The following TSNARE1 variants were observed in gnomAD, a reference collection of about 807,000 sequenced individuals.
TSNARE1 encodes t-SNARE domain-containing protein 1.
Under a neutral mutation model 62.0 loss-of-function variants are expected in TSNARE1, and 49 were observed. That is an observed-to-expected ratio of 0.79 (90% confidence interval 0.63 to 1.00). The LOEUF (loss-of-function observed/expected upper bound fraction) is 1.00, where lower values mean the gene tolerates loss of function less well. TSNARE1 is among the 50% of genes least tolerant of loss of function. The pLI is 0.00. For synonymous variants in TSNARE1, 328 were observed against 294.4 expected (o/e 1.11, Z -1.17); for missense variants, 755 against 700.1 (o/e 1.08, Z -0.88).
At position 142,284,452 on chromosome 8, in the gene TSNARE1, C is replaced by A. The variant is rs1822338516; in HGVS notation, c.1324G>T (p.Asp442Tyr). 6.2e-7 allele frequency: 1 copy of A among 1,613,794 alleles called. No homozygotes were observed. Among genetic ancestry groups the A allele is most frequent in the Non-Finnish European group, 8.5e-7 (1 of 1,179,980 alleles). ...NLLDVNQIIK[D>Y]LASMVSEQGE... ...TGCTCTGACACCATGGAGGCCAAGTCCTTGATGATCTGATTCACATCCAGC... is the reference window on the plus strand; with the variant it reads ...TGCTCTGACACCATGGAGGCCAAGTACTTGATGATCTGATTCACATCCAGC... The change falls in exon 11 of 14, where the codon GAC (aspartate) becomes TAC (tyrosine). Residue 442 changes from aspartate (D) to tyrosine (Y), a missense_variant. By Grantham distance (160) the Asp-to-Tyr change is radical. Coordinates refer to ENST00000524325, the MANE Select transcript of TSNARE1 (RefSeq NM_145003.5).
chr8:142,256,894 CCAGGG>C (rs984225707), intron 12 of TSNARE1, among the ~76,000 whole-genome samples: 2 of 152,146 alleles, frequency 1.3e-5, no homozygotes, highest in African/African-American at 2.4e-5. Flanking sequence ...TGAATGAGGA[CCAGGG>C]TCAGGGGCTG....
chr8:142,363,334 T>C (rs548372594), intron 1 of TSNARE1, among the ~76,000 whole-genome samples: 15 of 152,190 alleles, frequency 9.9e-5, no homozygotes, highest in African/African-American at 3.4e-4. Context: ...TACAGATCCA[T>C]CACCGGTGGA....
chr8:142,400,654 G>C (rs1024266851), intron 1 of TSNARE1, among the ~76,000 whole-genome samples: 1 of 152,146 alleles, frequency 6.6e-6, no homozygotes, highest in South Asian at 2.1e-4. Flanking sequence ...GCAGGACTCC[G>C]TGTCAAAAAA....
chr8:142,362,829 C>A (rs1259665708), intron 1 of TSNARE1, among the ~76,000 whole-genome samples: 5 of 152,224 alleles, frequency 3.3e-5, no homozygotes, highest in African/African-American at 7.2e-5. Flanking sequence ...TGTGTCCCAG[C>A]AAGTCCTGGC....
At chr8:142,290,171 T>G (rs1823514798) in intron 10 of TSNARE1, among the ~76,000 whole-genome samples, 2 of 152,152 alleles carry the variant, frequency 1.3e-5, no homozygotes, top group South Asian at 4.1e-4. Context: ...AGCCCCGTCC[T>G]CAGTCCTGGG....
chr8:142,357,231 G>A (rs763943290), intron 1 of TSNARE1, among the ~76,000 whole-genome samples: 1 of 152,184 alleles, frequency 6.6e-6, no homozygotes, highest in Admixed American at 6.5e-5. Flanking sequence ...GGCCCCTCAC[G>A]CCCCGTGAGA....
chr8:142,222,258 TC>T (rs1563754855), intron 13 of TSNARE1, among the ~76,000 whole-genome samples: 4 of 25,076 alleles, frequency 1.6e-4, no homozygotes, highest in Admixed American at 3.7e-4. Context: ...ACTCATCCAC[TC>T]ATCCACTCAC....
intron 1 of TSNARE1, among the ~76,000 whole-genome samples, chr8:142,382,293 C>T (rs931151546): frequency 2.6e-5 from 4 of 152,308 alleles, no homozygotes; most frequent in Admixed American, 1.3e-4. Flanking sequence ...TCGTAGACCA[C>T]GCCCAGAATC....
intron 12 of TSNARE1, among the ~76,000 whole-genome samples, chr8:142,256,721 G>A (rs553236718): frequency 9.2e-5 from 14 of 152,278 alleles, no homozygotes; most frequent in Non-Finnish European, 1.2e-4. Flanking sequence ...GCAATGAGGA[G>A]CAGAGATTAA....
intron 9 of TSNARE1, among the ~76,000 whole-genome samples, chr8:142,305,242 G>C (rs1320090980): frequency 1.3e-5 from 2 of 152,170 alleles, no homozygotes; most frequent in African/African-American, 2.4e-5. Flanking sequence ...TGTGGGCAGA[G>C]GGTGCCAGGC....
chr8:142,222,487 C>T (rs536874808), intron 13 of TSNARE1, among the ~76,000 whole-genome samples: 3 of 25,082 alleles, frequency 1.2e-4, no homozygotes, highest in Non-Finnish European at 3.3e-4. Flanking sequence ...CACTCACTCA[C>T]TCATCCACTC....
At chr8:142,272,433 CGCCT>C (rs1563799207) in intron 12 of TSNARE1, among the ~76,000 whole-genome samples, 1 of 63,806 alleles carries the variant, frequency 1.6e-5, no homozygotes, top group Non-Finnish European at 3.1e-5. Flanking sequence ...CCTATCCACC[CGCCT>C]GTCTACACCT....
intron 12 of TSNARE1, among the ~76,000 whole-genome samples, chr8:142,249,712 C>G (rs377397395): frequency 2.6e-5 from 4 of 152,218 alleles, no homozygotes; most frequent in African/African-American, 9.6e-5. Flanking sequence ...TGGTCAATGC[C>G]GTGGAGCAGC....
At chr8:142,375,160 A>C (rs1194542920) in intron 1 of TSNARE1, among the ~76,000 whole-genome samples, 1 of 152,208 alleles carries the variant, frequency 6.6e-6, no homozygotes, top group Non-Finnish European at 1.5e-5. Context: ...TCCTGTCCTA[A>C]ACACTGGGGT....
intron 1 of TSNARE1, among the ~76,000 whole-genome samples, chr8:142,357,526 G>A (rs1424882589): frequency 6.6e-6 from 1 of 152,190 alleles, no homozygotes; most frequent in Non-Finnish European, 1.5e-5. Flanking sequence ...CAGTGAGCAG[G>A]TGGCGGCAGG....
intron 13 of TSNARE1, among the ~76,000 whole-genome samples, chr8:142,222,535 C>CTCAT (rs1212214678): frequency 0.012 from 927 of 75,448 alleles, 142 homozygotes; most frequent in Non-Finnish European, 0.017. Flanking sequence ...CACTCACTCA[C>CTCAT]TCACTCATTC....
At position 142,293,640 on chromosome 8, in the gene TSNARE1, G is replaced by A. The variant is rs533746693; in HGVS notation, c.1290+6846C>T. Reference sequence around the variant, plus strand: ...ACCTGAGGCCTGCAGGCTTCCCTCCGCAGGGGACAAGGAAGCTTCCTGGAG... The same window carrying A: ...ACCTGAGGCCTGCAGGCTTCCCTCCACAGGGGACAAGGAAGCTTCCTGGAG... On this transcript the variant is annotated intron_variant, in intron 10 of 13. Coordinates refer to ENST00000524325, the MANE Select transcript of TSNARE1 (RefSeq NM_145003.5). Among the ~76,000 whole-genome samples the A allele has an allele frequency of 7.2e-5, 11 of 152,292 alleles. No homozygotes were observed. The South Asian group carries it at 1.0e-3, about 14-fold the overall frequency.
intron 12 of TSNARE1, among the ~76,000 whole-genome samples, chr8:142,231,126 G>GC (rs1181928773): frequency 1.3e-5 from 2 of 152,096 alleles, no homozygotes; most frequent in African/African-American, 2.4e-5. Context: ...AAGATGACCA[G>GC]CCCCCAGCTC....
chr8:142,395,265 C>A (rs190942609), intron 1 of TSNARE1, among the ~76,000 whole-genome samples: 2 of 152,150 alleles, frequency 1.3e-5, no homozygotes, highest in African/African-American at 4.8e-5. Context: ...GCCCAAGCCA[C>A]GCAGAGCCAC....
Sources: gnomAD v4.1 joint callset for allele counts (sites outside exome capture counted in the v4.1 genomes callset) on GRCh38, gnomAD v4.1.1 for gene constraint, MANE v1.5 for transcripts, NCBI Gene and HGNC (gene_info 2026-07-23, HGNC 2026-07-21) for gene names.